The following TBC1D12 variants were observed in gnomAD, a reference collection of about 807,000 sequenced individuals.
TBC1D12 encodes TBC1 domain family member 12.
Under a neutral mutation model 86.7 loss-of-function variants are expected in TBC1D12, and 56 were observed. That is an observed-to-expected ratio of 0.65 (90% CI 0.52 to 0.81). The LOEUF is 0.81. Ranked by LOEUF, TBC1D12 falls within the 30% of genes least tolerant of loss-of-function variation. The probability of loss-of-function intolerance (pLI) is 0.00; values close to 1 mark genes in which losing one functional copy is unlikely to be tolerated. For synonymous variants in TBC1D12, 421 were observed against 411.7 expected (o/e 1.02, Z -0.27); for missense variants, 1,023 against 1,038.8 (o/e 0.98, Z 0.21).
In TBC1D12 at chr10:94,526,432, G is replaced by GAA. The variant is rs1288214393; in HGVS notation, c.2000+3993_2000+3994dup. On this transcript the variant is annotated intron_variant, in intron 11 of 12. Transcript: ENST00000225235. ...CAACAGAACCAGACCCTGTCTCTGA[G>GAA]AAAAAAAAAAAAAAAGAAAGAAAAA... is the stretch of plus-strand genomic sequence containing the variant. Among the ~76,000 whole-genome samples the GAA allele has an allele frequency of 4.5e-5, 5 of 110,974 alleles. No homozygotes were observed. In the East Asian group the frequency reaches 7.6e-4, roughly 17 times the overall value. 72.8% of individuals were successfully genotyped at this position (110,974 alleles called of 152,430 possible).
chr10:94,450,562 G>T (rs1477386570), intron 2 of TBC1D12, among the ~76,000 whole-genome samples: 1 of 152,028 alleles, frequency 6.6e-6, no homozygotes, highest in Non-Finnish European at 1.5e-5. Flanking sequence ...TTTTAAATGA[G>T]GTACTGAGAT....
intron 1 of TBC1D12, among the ~76,000 whole-genome samples, chr10:94,422,841 G>A (rs2055094027): frequency 6.6e-6 from 1 of 151,792 alleles, no homozygotes; most frequent in South Asian, 2.1e-4. Flanking sequence ...CAAGTTGTTG[G>A]GATTACAGGT....
chr10:94,402,812 C>G lies in TBC1D12; in HGVS notation c.199C>G (p.Arg67Gly). ...EADEEEETPP[R>G]QLLQRYLAAA... ...TGACGAGGAGGAGGAGACGCCGCCT[C>G]GGCAGCTCCTTCAGCGTTACCTCGC... The change falls in exon 1 of 13, where the codon CGG becomes GGG. Residue 67 changes from arginine to glycine, a missense_variant. Around this residue, in one of 2 missense-constraint regions of TBC1D12, gnomAD observed 628 missense variants for 531.1 expected, o/e 1.18. Coordinates refer to ENST00000225235, the MANE Select transcript of TBC1D12 (RefSeq NM_015188.2). 1 of 1,541,036 alleles carries G rather than the reference C, an allele frequency of 6.5e-7. No homozygotes were observed. Among genetic ancestry groups the G allele is most frequent in the Non-Finnish European group, 8.8e-7 (1 of 1,142,816 alleles).
chr10:94,438,578 A>T (rs2055336993), intron 1 of TBC1D12, among the ~76,000 whole-genome samples: 1 of 152,072 alleles, frequency 6.6e-6, no homozygotes, highest in Non-Finnish European at 1.5e-5. Context: ...TAGCAACTCC[A>T]GGAACATGGG....
intron 1 of TBC1D12, among the ~76,000 whole-genome samples, chr10:94,414,475 G>GCATACCT (rs1042154088): frequency 2.6e-5 from 4 of 152,080 alleles, no homozygotes; most frequent in African/African-American, 9.7e-5. Context: ...TTTCTACTTG[G>GCATACCT]CATACCTCAG....
intron 11 of TBC1D12, among the ~76,000 whole-genome samples, chr10:94,528,891 T>C (rs967241090): frequency 4.0e-5 from 6 of 151,400 alleles, no homozygotes; most frequent in Non-Finnish European, 5.9e-5. Context: ...ATATTTAAAC[T>C]TTAATTCTTA....
intron 1 of TBC1D12, among the ~76,000 whole-genome samples, chr10:94,423,497 G>A (rs1302805235): frequency 2.6e-5 from 4 of 152,008 alleles, no homozygotes; most frequent in Middle Eastern, 3.4e-3. Context: ...ACAGGTGCCC[G>A]CTACCACGCC....
intron 9 of TBC1D12, among the ~76,000 whole-genome samples, chr10:94,512,735 T>C (rs1046085550): frequency 1.3e-5 from 2 of 152,194 alleles, no homozygotes; most frequent in African/African-American, 4.8e-5. Flanking sequence ...GTTGTAGTAT[T>C]TGAAAAGATC....
intron 1 of TBC1D12, among the ~76,000 whole-genome samples, chr10:94,418,230 T>G (rs1237153178): frequency 6.6e-6 from 1 of 152,178 alleles, no homozygotes; most frequent in Non-Finnish European, 1.5e-5. Context: ...CTATTAATTC[T>G]CACAAAGCCC....
intron 9 of TBC1D12, among the ~76,000 whole-genome samples, chr10:94,520,065 A>G (rs1247035564): frequency 2.6e-5 from 4 of 152,252 alleles, no homozygotes; most frequent in African/African-American, 7.2e-5. Flanking sequence ...ATCTGCAAAA[A>G]GTACTCAGAA....
chr10:94,427,909 T>A (rs1055526160), intron 1 of TBC1D12, among the ~76,000 whole-genome samples: 1 of 151,738 alleles, frequency 6.6e-6, no homozygotes, highest in Non-Finnish European at 1.5e-5. Flanking sequence ...TGTAATTTAT[T>A]TACCATAAGA....
At chr10:94,483,187 A>G (rs113196884) in intron 3 of TBC1D12, among the ~76,000 whole-genome samples, 239 of 152,086 alleles carry the variant, frequency 1.6e-3, no homozygotes, top group African/African-American at 5.4e-3. Flanking sequence ...GTTGCTTCCA[A>G]ATCTTGGCTA....
At position 94,531,344 on chromosome 10, in the gene TBC1D12, G is replaced by A. The variant is rs772711477; in HGVS notation, c.2143G>A (p.Asp715Asn). The A allele has an allele frequency of 1.1e-5, 18 of 1,614,072 alleles. No homozygotes were observed. Among genetic ancestry groups the A allele is most frequent in the South Asian group, 3.3e-5 (3 of 91,074 alleles). Residue 715 changes from aspartate (D) to asparagine (N), a missense_variant, in exon 12 of 13, where the codon GAC becomes AAC. Physicochemically the swap from Asp to Asn is conservative, Grantham distance 23. Transcript: ENST00000225235. ...RLYEDILLQM[D>N]FIHIAQFLTK... is the part of the protein sequence containing the mutation. ...ATATGAAGATATTCTCCTGCAGATG[G>A]ACTTTATTCATATAGCACAGTTTCT... is the stretch of plus-strand genomic sequence containing the variant.
intron 11 of TBC1D12, among the ~76,000 whole-genome samples, chr10:94,524,515 CG>C (rs1164487430): frequency 6.6e-6 from 1 of 151,956 alleles, no homozygotes; most frequent in African/African-American, 2.4e-5. Context: ...CCGAGGCAGG[CG>C]GATCACGAGG....
chr10:94,503,127 A>G (rs1292146137), intron 6 of TBC1D12, among the ~76,000 whole-genome samples: 1 of 152,218 alleles, frequency 6.6e-6, no homozygotes, highest in Non-Finnish European at 1.5e-5. Flanking sequence ...TCTGTCTCAT[A>G]TGTACTACAG....
chr10:94,405,574 T>C (rs927483379), intron 1 of TBC1D12, among the ~76,000 whole-genome samples: 2 of 152,058 alleles, frequency 1.3e-5, no homozygotes, highest in Non-Finnish European at 2.9e-5. Flanking sequence ...GGCCTTTGGG[T>C]GTTTGTTGGT....
chr10:94,420,685 C>G (rs117606216), intron 1 of TBC1D12, among the ~76,000 whole-genome samples: 89 of 152,252 alleles, frequency 5.8e-4, no homozygotes, highest in Non-Finnish European at 9.9e-4. Flanking sequence ...TTGTAGCATG[C>G]CTCAGTACAG....
intron 2 of TBC1D12, among the ~76,000 whole-genome samples, chr10:94,461,266 C>T (rs1423921108): frequency 2.6e-5 from 4 of 152,094 alleles, no homozygotes; most frequent in Non-Finnish European, 5.9e-5. Flanking sequence ...TTTTGGTGAA[C>T]CTGTACCTCT....
intron 4 of TBC1D12, among the ~76,000 whole-genome samples, chr10:94,495,935 C>A (rs544527765): frequency 1.3e-5 from 2 of 152,130 alleles, no homozygotes; most frequent in South Asian, 4.2e-4. Context: ...ATCTCTGTCT[C>A]TACTAAAAAT....
Sources: allele counts gnomAD v4.1 joint callset (sites outside exome capture counted in the v4.1 genomes callset), GRCh38; gene constraint gnomAD v4.1.1; regional missense constraint gnomAD v4.1.1; transcripts MANE v1.5; gene names NCBI Gene and HGNC (gene_info 2026-07-23, HGNC 2026-07-21).